PDGFD: variants seen among roughly 807,000 people sequenced by gnomAD.
The protein encoded by PDGFD is platelet derived growth factor D, also known as platelet-derived growth factor D.
In PDGFD, 30 loss-of-function variants were observed where a neutral mutation model predicts 44.7. The ratio of observed to expected loss-of-function variants is 0.67; its 90% CI spans 0.50 to 0.91. PDGFD has a LOEUF of 0.91. PDGFD is among the 40% of genes least tolerant of loss of function. The pLI, the probability that PDGFD is intolerant of heterozygous loss-of-function variation, is 0.00. For synonymous variants in PDGFD, 173 were observed against 168.4 expected, an observed-to-expected ratio of 1.03 and a Z score of -0.21; for missense variants, 445 against 457.8, an observed-to-expected ratio of 0.97 and a Z score of 0.25.
chr11:104,120,064 T>C (rs1313165991), intron 1 of PDGFD, among the ~76,000 whole-genome samples: 6 of 148,962 alleles, frequency 4.0e-5, no homozygotes, highest in Non-Finnish European at 8.9e-5. Context: ...ATATGTCCTA[T>C]GATTTTTCAG....
intron 1 of PDGFD, among the ~76,000 whole-genome samples, chr11:104,106,456 G>C (rs1247953316): frequency 6.6e-6 from 1 of 152,098 alleles, no homozygotes; most frequent in Non-Finnish European, 1.5e-5. Context: ...TCTAAAAATA[G>C]GCATCATTGA....
At chr11:104,154,610 A>G (rs1173220062) in intron 1 of PDGFD, among the ~76,000 whole-genome samples, 1 of 152,202 alleles carries the variant, frequency 6.6e-6, no homozygotes, top group Non-Finnish European at 1.5e-5. Context: ...GTATTGTGGG[A>G]CAGTGCAAAG....
chr11:103,938,724 T>C (rs998606400), intron 5 of PDGFD, among the ~76,000 whole-genome samples: 1 of 152,206 alleles, frequency 6.6e-6, no homozygotes, highest in Non-Finnish European at 1.5e-5. Flanking sequence ...CTTGAATTAA[T>C]TTTTGTATAA....
intron 3 of PDGFD, among the ~76,000 whole-genome samples, chr11:103,961,063 C>A (rs11226091): frequency 0.5 from 75,716 of 152,010 alleles, 21,018 homozygotes; most frequent in African/African-American, 0.76. Context: ...GTACTTGTTT[C>A]CAGGTTTGTG....
Position 104,103,460 on chromosome 11 carries a change from GTGTATA to G in PDGFD, c.124+60338_124+60343del, listed in dbSNP as rs1397167226. 1.3e-3 allele frequency among the ~76,000 whole-genome samples: 77 copies of G among 61,484 alleles called. 1 individual carries two copies. In the East Asian group the frequency reaches 0.03, roughly 24 times the overall value. The allele number at this position is 61,484 out of a possible 152,430, so 40.3% of individuals were successfully genotyped here. A position where few individuals can be genotyped will look rare whatever the true frequency, so the allele number is the denominator to read the frequency against. ...AAAACAGACAATTATGTGTGTGTGTGTGTATATATATATATATATATATATATATAT... is the reference window on the plus strand; with the variant it reads ...AAAACAGACAATTATGTGTGTGTGTGTATATATATATATATATATATATAT... On this transcript the variant is annotated intron_variant, in intron 1 of 6. Coordinates refer to ENST00000393158, the MANE Select transcript of PDGFD (RefSeq NM_025208.5).
At chr11:104,017,634 A>C (rs2134379517) in intron 1 of PDGFD, among the ~76,000 whole-genome samples, 1 of 152,314 alleles carries the variant, frequency 6.6e-6, no homozygotes, top group East Asian at 1.9e-4. Flanking sequence ...AATAACAGAG[A>C]TGTAGGAGTC....
intron 1 of PDGFD, among the ~76,000 whole-genome samples, chr11:104,139,012 T>C (rs1862047526): frequency 6.6e-6 from 1 of 152,162 alleles, no homozygotes; most frequent in South Asian, 2.1e-4. Flanking sequence ...TCCGCCTGCC[T>C]CAGAATCCCA....
At chr11:103,977,221 G>C (rs1001450917) in intron 3 of PDGFD, among the ~76,000 whole-genome samples, 3 of 151,940 alleles carry the variant, frequency 2.0e-5, no homozygotes, top group Non-Finnish European at 4.4e-5. Context: ...CCAAGAAAAA[G>C]CCCAGGACCA....
intron 1 of PDGFD, among the ~76,000 whole-genome samples, chr11:104,139,521 A>G (rs1479070879): frequency 6.6e-6 from 1 of 152,222 alleles, no homozygotes; most frequent in Non-Finnish European, 1.5e-5. Context: ...ATCCGATCAC[A>G]AACACTAAAG....
At chr11:103,930,742 C>A (rs889992906) in intron 5 of PDGFD, among the ~76,000 whole-genome samples, 1 of 152,152 alleles carries the variant, frequency 6.6e-6, no homozygotes, top group Admixed American at 6.6e-5. Flanking sequence ...GTGCAAATGA[C>A]CTGGCTTCCT....
intron 4 of PDGFD, chr11:103,946,016 T>A (rs904090703): frequency 6.6e-6 from 1 of 152,216 alleles, no homozygotes; most frequent in Non-Finnish European, 1.5e-5. Flanking sequence ...TTTAAAACTA[T>A]TTTTGAGAAA....
Position 103,943,647 on chromosome 11 carries a change from C to T in PDGFD, c.577G>A (p.Val193Ile), listed in dbSNP as rs146332462. Residue 193 changes from valine to isoleucine, a missense_variant, in exon 5 of 7, where the codon GTA (valine) becomes ATA (isoleucine). By Grantham distance (29) the Val-to-Ile change is conservative. Coordinates refer to ENST00000393158, the MANE Select transcript of PDGFD (RefSeq NM_025208.5). ...GTTACTGATGGAGAGTTATAGGATACCCCCTAAGAGTGACATACAGCTCAG... is the reference window on the plus strand; with the variant it reads ...GTTACTGATGGAGAGTTATAGGATATCCCCTAAGAGTGACATACAGCTCAG... The part of the protein sequence containing the change: ...WESVTSSISG[V>I]SYNSPSVTDP... The T allele has an allele frequency of 2.7e-5, 44 of 1,611,306 alleles. No individual in the cohort carries two copies. Among genetic ancestry groups the T allele is most frequent in the Admixed American group, 1.5e-4 (9 of 59,586 alleles).
intron 1 of PDGFD, among the ~76,000 whole-genome samples, chr11:104,076,048 C>T (rs1264253640): frequency 6.6e-6 from 1 of 152,134 alleles, no homozygotes; most frequent in Non-Finnish European, 1.5e-5. Context: ...CTGGTTCCTC[C>T]CATGTTATTC....
chr11:103,990,168 G>A (rs1294681880), intron 3 of PDGFD, among the ~76,000 whole-genome samples: 1 of 152,136 alleles, frequency 6.6e-6, no homozygotes, highest in African/African-American at 2.4e-5. Context: ...GACCTACTGG[G>A]TTGCTTCCCT....
intron 1 of PDGFD, among the ~76,000 whole-genome samples, chr11:104,107,939 T>C (rs1027615680): frequency 6.6e-6 from 1 of 152,162 alleles, no homozygotes; most frequent in African/African-American, 2.4e-5. Context: ...AAGAGAAACA[T>C]GTCCGTATCA....
intron 1 of PDGFD, among the ~76,000 whole-genome samples, chr11:104,057,753 A>C (rs1565323006): frequency 6.6e-6 from 1 of 152,360 alleles, no homozygotes; most frequent in East Asian, 1.9e-4. Flanking sequence ...AAGTCTCATA[A>C]TACCTGATTT....
intron 1 of PDGFD, among the ~76,000 whole-genome samples, chr11:104,024,723 C>T (rs1337015686): frequency 1.3e-5 from 2 of 152,138 alleles, no homozygotes; most frequent in African/African-American, 4.8e-5. Context: ...ATGCATTTCT[C>T]AAAAGTATCC....
At chr11:104,117,586 A>G (rs569872405) in intron 1 of PDGFD, among the ~76,000 whole-genome samples, 32 of 152,100 alleles carry the variant, frequency 2.1e-4, no homozygotes, top group Non-Finnish European at 4.0e-4. Flanking sequence ...TATACACCAA[A>G]AAGCGACCAA....
At position 104,037,356 on chromosome 11, in the gene PDGFD, C is replaced by T. The variant is rs260807; in HGVS notation, c.125-37101G>A. 2.6e-3 allele frequency: 4,163 copies of T among 1,614,088 alleles called. 97 individuals are homozygous for T. The African/African-American group carries it at 0.049, about 19-fold the overall frequency. ...CCCTGCTCAGCGGAAGCCTTGAGAC[C>T]TTTTCTCAGGTGCTGATGGAGCAGC... is the stretch of plus-strand genomic sequence containing the variant. On this transcript the variant is annotated intron_variant, in intron 1 of 6. Transcript: ENST00000393158.
Sources: gnomAD v4.1 joint callset for allele counts (sites outside exome capture counted in the v4.1 genomes callset) on GRCh38, gnomAD v4.1.1 for gene constraint, MANE v1.5 for transcripts, NCBI Gene and HGNC (gene_info 2026-07-23, HGNC 2026-07-21) for gene names.